PSTPIP1: variants seen among roughly 807,000 people sequenced by gnomAD.
PSTPIP1 encodes proline-serine-threonine phosphatase interacting protein 1, also known as proline-serine-threonine phosphatase-interacting protein 1.
In PSTPIP1, 66 loss-of-function variants were observed where a neutral mutation model predicts 69.6. That is an observed-to-expected ratio of 0.95 (90% CI 0.78 to 1.16). The LOEUF is 1.16. PSTPIP1 is among the 50% of genes most tolerant of loss of function. The probability of loss-of-function intolerance (pLI) is 0.00; values close to 1 mark genes in which losing one functional copy is unlikely to be tolerated. For synonymous variants in PSTPIP1, 266 were observed against 222.7 expected, an observed-to-expected ratio of 1.19 and a Z score of -1.73; for missense variants, 603 against 557.4, an observed-to-expected ratio of 1.08 and a Z score of -0.82.
In PSTPIP1 at chr15:77,036,205, C is replaced by T. The variant is rs149827453; in HGVS notation, c.1119+270C>T. Reference sequence around the variant, plus strand: ...TGACTGGAAGCTGGTGTGCAGCAGGCCTGTGTCTGCCCGGGCCTGTACACA... The same window carrying T: ...TGACTGGAAGCTGGTGTGCAGCAGGTCTGTGTCTGCCCGGGCCTGTACACA... On this transcript the variant is annotated intron_variant, in intron 14 of 14. Coordinates refer to ENST00000558012, the MANE Select transcript of PSTPIP1 (RefSeq NM_003978.5). Among the ~76,000 whole-genome samples, 19 of 152,304 alleles carry T rather than the reference C, an allele frequency of 1.2e-4. No individual in the cohort carries two copies. The East Asian group carries it at 3.1e-3, about 25-fold the overall frequency.
intron 1 of PSTPIP1, among the ~76,000 whole-genome samples, chr15:77,008,778 G>A (rs1352551918): frequency 6.6e-6 from 1 of 152,214 alleles, no homozygotes; most frequent in Non-Finnish European, 1.5e-5. Context: ...GTCCCAGAGA[G>A]CACTAGGCTC....
chr15:76,994,704 C>T (rs937847202), upstream of PSTPIP1: 7 of 1,252,478 alleles, frequency 5.6e-6, no homozygotes, highest in Non-Finnish European at 7.3e-6. Flanking sequence ...TGCTCACAGC[C>T]CCCCAGAGCA....
At chr15:77,011,843 T>C (rs2075940731) in intron 1 of PSTPIP1, among the ~76,000 whole-genome samples, 1 of 152,086 alleles carries the variant, frequency 6.6e-6, no homozygotes, top group Non-Finnish European at 1.5e-5. Flanking sequence ...CCTCTTTCCA[T>C]ACCTACAGCC....
chr15:76,997,086 G>C (rs1461476968), intron 1 of PSTPIP1, among the ~76,000 whole-genome samples: 1 of 152,220 alleles, frequency 6.6e-6, no homozygotes, highest in Non-Finnish European at 1.5e-5. Flanking sequence ...GGCAGGATCT[G>C]GGCACAGGTA....
At chr15:77,032,191 CA>C (rs1005626383) in intron 10 of PSTPIP1, 106 bp from the exon 11 acceptor site, 1 of 1,136,150 alleles carries the variant, frequency 8.8e-7, no homozygotes, top group Non-Finnish European at 1.3e-6. Flanking sequence ...GAGCCGCGCA[CA>C]ATGGCCTGTG....
chr15:77,027,400 G>T lies in PSTPIP1; in HGVS notation c.355-452G>T, dbSNP rs146818403. 3.8e-3 allele frequency among the ~76,000 whole-genome samples: 580 copies of T among 152,304 alleles called. 7 individuals are homozygous for T. The highest frequency in any genetic ancestry group is 0.013 in the African/African-American group (547 of 41,568). ...GTGTACTTGTGAGTGGCATCTGTGG[G>T]TGTGCACAGGAATGCCTGTGATCAT... On this transcript the variant is annotated intron_variant, in intron 5 of 14. Coordinates refer to ENST00000558012, the MANE Select transcript of PSTPIP1 (RefSeq NM_003978.5). This position sits in a 1 kb window ranked among gnomAD's most constrained non-coding sequence, Gnocchi z 4.3.
At chr15:77,032,462 G>C (rs777438227) in intron 11 of PSTPIP1, 68 bp downstream of exon 11, 5 of 1,529,568 alleles carry the variant, frequency 3.3e-6, no homozygotes, top group East Asian at 4.6e-5. Flanking sequence ...CCGGCCCTGA[G>C]CCTCAAGTGC....
chr15:77,022,035 G>A (rs2076170945), intron 3 of PSTPIP1, among the ~76,000 whole-genome samples: 1 of 152,242 alleles, frequency 6.6e-6, no homozygotes, highest in East Asian at 1.9e-4. Context: ...GGCAGGTACA[G>A]CCCCCAAGGG....
chr15:77,032,653 C>G (rs953747138), intron 11 of PSTPIP1: 1 of 619,546 alleles, frequency 1.6e-6, no homozygotes, highest in South Asian at 2.0e-5. Context: ...CCCCACTCCC[C>G]GCCTGTTTGG....
chr15:77,024,957 G>A (rs1425863231), intron 3 of PSTPIP1, among the ~76,000 whole-genome samples: 1 of 152,180 alleles, frequency 6.6e-6, no homozygotes, highest in Admixed American at 6.5e-5. Flanking sequence ...GTTCAGGGGA[G>A]GGAGGGAGGG....
At position 77,027,579 on chromosome 15, in the gene PSTPIP1, G is replaced by C. The variant is rs900586953; in HGVS notation, c.355-273G>C. The C allele has an allele frequency of 1.2e-5, 6 of 482,006 alleles. No homozygotes were observed. The highest frequency in any genetic ancestry group is 1.2e-4 in the African/African-American group (6 of 51,210). The allele number at this position is 482,006 out of a possible 1,614,324, so 29.9% of individuals were successfully genotyped here. A position where few individuals can be genotyped will look rare whatever the true frequency, so the allele number is the denominator to read the frequency against. On this transcript the variant is annotated intron_variant, in intron 5 of 14. Coordinates refer to ENST00000558012, the MANE Select transcript of PSTPIP1 (RefSeq NM_003978.5). The surrounding 1 kb of genome is among the most constrained non-coding windows in gnomAD (Gnocchi z 4.3). ...GATGAACGACTGTGTGCGCACGTGT[G>C]TTGGGGTGGGAACTCCCCAGCTGGA...
At chr15:77,018,090 G>A in intron 1 of PSTPIP1, 58 bp from the exon 2 acceptor site, 1 of 1,510,616 alleles carries the variant, frequency 6.6e-7, no homozygotes, top group Non-Finnish European at 9.0e-7. Flanking sequence ...TCCCCACAGG[G>A]CTGTGCTCAG....
rs79040250 is a variant in PSTPIP1 at position 77,001,630 on chromosome 15, C to T, written c.36+6021C>T. On this transcript the variant is annotated intron_variant, in intron 1 of 14. Coordinates refer to ENST00000558012, the MANE Select transcript of PSTPIP1 (RefSeq NM_003978.5). ...TACCTTCCCGGCACCTGCCTGGCTG[C>T]ATCTGTCAGAAGCAGTGAGGACGGA... 1.2e-3 allele frequency among the ~76,000 whole-genome samples: 179 copies of T among 152,366 alleles called. 2 individuals carry two copies. Among genetic ancestry groups the T allele is most frequent in the African/African-American group, 4.2e-3 (175 of 41,586 alleles).
intron 3 of PSTPIP1, 21 bp from the exon 4 acceptor site, chr15:77,025,263 C>CCAG (rs753143073): frequency 3.1e-5 from 50 of 1,604,070 alleles, no homozygotes; most frequent in Admixed American, 5.0e-5. Context: ...TCCTCCTGAC[C>CCAG]TGGACCCATC....
At position 77,037,274 on chromosome 15, in the gene PSTPIP1, C is replaced by G. The variant is rs1264249832; in HGVS notation, c.*98C>G. On this transcript the variant is annotated 3_prime_UTR_variant, in exon 15 of 15. Transcript: ENST00000558012. The stretch of plus-strand genomic sequence containing the variant: ...TGCTAGGGCCCAGAACCAAGCGTCC[C>G]CCAGCCCCGAGAGGGAGCCTGTCGT... 18 of 1,457,652 alleles carry G rather than the reference C, an allele frequency of 1.2e-5. No individual in the cohort carries two copies. The highest frequency in any genetic ancestry group is 1.5e-5 in the Non-Finnish European group (16 of 1,087,688). 90.3% of individuals were successfully genotyped at this position (1,457,652 alleles called of 1,614,324 possible). A position where few individuals can be genotyped will look rare whatever the true frequency, so the allele number is the denominator to read the frequency against.
chr15:77,022,869 T>TGCCC (rs1485317282), intron 3 of PSTPIP1, among the ~76,000 whole-genome samples: 1 of 152,216 alleles, frequency 6.6e-6, no homozygotes, highest in Non-Finnish European at 1.5e-5. Context: ...AAAGCCTGCC[T>TGCCC]GCCCAGGTAC....
intron 3 of PSTPIP1, among the ~76,000 whole-genome samples, chr15:77,022,845 G>T (rs1244765985): frequency 6.6e-6 from 1 of 152,220 alleles, no homozygotes; most frequent in African/African-American, 2.4e-5. Flanking sequence ...CAGGAAGAGG[G>T]GCCTGGAGGG....
intron 3 of PSTPIP1, among the ~76,000 whole-genome samples, chr15:77,023,381 G>C (rs1268351522): frequency 6.6e-6 from 1 of 152,262 alleles, no homozygotes. Context: ...CCTGGCACCT[G>C]GAAGCAACGG....
chr15:77,022,919 G>T (rs2076191620), intron 3 of PSTPIP1, among the ~76,000 whole-genome samples: 1 of 152,222 alleles, frequency 6.6e-6, no homozygotes, highest in Non-Finnish European at 1.5e-5. Context: ...CAGTACCCAA[G>T]GCCTAGCCAG....
Sources: allele counts gnomAD v4.1 joint callset (sites outside exome capture counted in the v4.1 genomes callset), GRCh38; gene constraint gnomAD v4.1.1; non-coding constraint Gnocchi (gnomAD v3.1); transcripts MANE v1.5; gene names NCBI Gene and HGNC (gene_info 2026-07-23, HGNC 2026-07-21).